SPG21: variants seen among roughly 807,000 people sequenced by gnomAD.
The protein encoded by SPG21 is SPG21 abhydrolase domain containing, maspardin, also known as maspardin.
Under a neutral mutation model 38.9 loss-of-function variants are expected in SPG21, and 26 were observed. The ratio of observed to expected loss-of-function variants is 0.67; its 90% CI spans 0.49 to 0.93. The LOEUF (loss-of-function observed/expected upper bound fraction) is 0.93. SPG21 is among the 40% of genes least tolerant of loss of function. The pLI is 0.00. For synonymous variants in SPG21, 136 were observed against 128.9 expected (o/e 1.05, Z -0.37); for missense variants, 333 against 376.5 (o/e 0.88, Z 0.96).
intron 1 of SPG21, among the ~76,000 whole-genome samples, chr15:64,985,316 C>T (rs2085969433): frequency 1.3e-5 from 2 of 152,154 alleles, no homozygotes; most frequent in African/African-American, 4.8e-5. Context: ...ACCACTGTGT[C>T]CCCAAAGCTT....
chr15:64,969,657 A>G (rs1225162470), intron 6 of SPG21, among the ~76,000 whole-genome samples: 2 of 149,354 alleles, frequency 1.3e-5, no homozygotes, highest in African/African-American at 2.5e-5. Context: ...GCCAATTCCT[A>G]CTGCTCAAAG....
At chr15:64,972,090 T>G (rs574898049) in intron 5 of SPG21, among the ~76,000 whole-genome samples, 1 of 152,206 alleles carries the variant, frequency 6.6e-6, no homozygotes, top group Non-Finnish European at 1.5e-5. Flanking sequence ...CGAAAATTAC[T>G]TAGATGAGGT....
At chr15:64,972,818 C>T (rs1025816519) in intron 5 of SPG21, among the ~76,000 whole-genome samples, 2 of 152,024 alleles carry the variant, frequency 1.3e-5, no homozygotes, top group African/African-American at 2.4e-5. Context: ...GGCGACAGAG[C>T]GAGACTCCAT....
intron 3 of SPG21, among the ~76,000 whole-genome samples, chr15:64,980,340 G>C (rs1289125333): frequency 6.6e-6 from 1 of 152,142 alleles, no homozygotes; most frequent in Admixed American, 6.6e-5. Context: ...GCCAAAAGAG[G>C]TTTGTTCCCT....
intron 3 of SPG21, 130 bp from the exon 4 acceptor site, chr15:64,976,685 T>C (rs1244926333): frequency 4.0e-5 from 27 of 675,936 alleles, no homozygotes; most frequent in African/African-American, 9.2e-5. Flanking sequence ...ATTCAAAATA[T>C]GTAAAAATAA....
chr15:64,985,225 T>C (rs537289005), intron 1 of SPG21, among the ~76,000 whole-genome samples: 3 of 152,332 alleles, frequency 2.0e-5, no homozygotes, highest in Non-Finnish European at 4.4e-5. Flanking sequence ...GTGAGCTTAG[T>C]GACTTCTGGT....
At chr15:64,974,258 G>A (rs2085731445) in intron 5 of SPG21, among the ~76,000 whole-genome samples, 1 of 152,098 alleles carries the variant, frequency 6.6e-6, no homozygotes, top group African/African-American at 2.4e-5. Context: ...CTTGAGCCCG[G>A]GAGTTAGAGA....
chr15:64,968,553 G>A (rs1228772315), intron 7 of SPG21, among the ~76,000 whole-genome samples: 1 of 152,088 alleles, frequency 6.6e-6, no homozygotes, highest in African/African-American at 2.4e-5. Flanking sequence ...AAGGGAACAG[G>A]AGTTATTGTT....
Position 64,963,710 on chromosome 15 carries a change from G to C in SPG21, c.837C>G (p.Thr279=), listed in dbSNP as rs1364568269. The change falls in exon 9 of 9, where the codon ACC becomes ACG. Residue 279 remains threonine (T), a synonymous_variant. Transcript: ENST00000204566. ...TTGATGGGTCAATGGCCGCGTATTT[G>C]GTTCCATGGAATTGCAGCAAATGTA... ...VQIHLLQFHG[T]KYAAIDPSMV... 1.9e-6 allele frequency: 3 copies of C among 1,614,044 alleles called. No individual in the cohort carries two copies. The East Asian group carries it at 6.7e-5, about 36-fold the overall frequency.
chr15:64,983,101 T>A (rs1183786499), intron 2 of SPG21: 2 of 267,754 alleles, frequency 7.5e-6, no homozygotes, highest in African/African-American at 4.6e-5. Flanking sequence ...CTACTAAAAA[T>A]ACAAAAATTA....
chr15:64,988,217 G>C (rs1299270509), intron 1 of SPG21, among the ~76,000 whole-genome samples: 1 of 152,048 alleles, frequency 6.6e-6, no homozygotes, highest in African/African-American at 2.4e-5. Flanking sequence ...GTGAGACTCT[G>C]TCTCAAAAAA....
At position 64,967,188 on chromosome 15, in the gene SPG21, A is replaced by G. The variant is rs187219517; in HGVS notation, c.670-1728T>C. On this transcript the variant is annotated intron_variant, in intron 7 of 8. Coordinates refer to ENST00000204566, the MANE Select transcript of SPG21 (RefSeq NM_016630.7). ...AAAAAGTGTGATTCTACTTCAAACG[A>G]TATGTCCAAAAGAATTAAAAGTAGG... Among the ~76,000 whole-genome samples, 570 of 152,256 alleles carry G rather than the reference A, an allele frequency of 3.7e-3. 7 individuals are homozygous for G. Among genetic ancestry groups the G allele is most frequent in the African/African-American group, 9.7e-3 (405 of 41,558 alleles).
At chr15:64,985,620 G>A (rs868419405) in intron 1 of SPG21, among the ~76,000 whole-genome samples, 1 of 152,210 alleles carries the variant, frequency 6.6e-6, no homozygotes, top group Non-Finnish European at 1.5e-5. Context: ...AGCAAGCCTT[G>A]ATCCTAGCAC....
intron 3 of SPG21, among the ~76,000 whole-genome samples, chr15:64,979,845 C>CAAAA (rs71136305): frequency 2.1e-4 from 19 of 89,444 alleles, no homozygotes; most frequent in African/African-American, 4.9e-4. Flanking sequence ...TGGAAGCATG[C>CAAAA]AAAAAAAAAA....
At chr15:64,969,076 A>G (rs1484616277) in intron 7 of SPG21, among the ~76,000 whole-genome samples, 179 bp downstream of exon 7, 16 of 152,298 alleles carry the variant, frequency 1.1e-4, no homozygotes. Flanking sequence ...CCTGCCAGAA[A>G]GAAATCCAAG....
At position 64,983,513 on chromosome 15, in the gene SPG21, A is replaced by G; in HGVS notation, c.57T>C (p.Leu19=). The change falls in exon 2 of 9, where the codon CTT becomes CTC. Residue 19 remains leucine (L), a synonymous_variant. Transcript: ENST00000204566. ...DYNWFRGTVP[L]KKIIVDDDDS... is the part of the protein sequence containing the mutation. The stretch of plus-strand genomic sequence containing the variant: ...ATAGTAAAACCATACATACCTTTTT[A>G]AGGGGAACTGTACCTCTAAACCAGT... 6.3e-7 allele frequency: 1 copy of G among 1,575,040 alleles called. No homozygotes were observed. Among genetic ancestry groups the G allele is most frequent in the Non-Finnish European group, 8.7e-7 (1 of 1,155,566 alleles).
chr15:64,977,250 A>G (rs2085796987), intron 3 of SPG21, among the ~76,000 whole-genome samples: 1 of 152,188 alleles, frequency 6.6e-6, no homozygotes, highest in African/African-American at 2.4e-5. Flanking sequence ...TTTTTAGTAC[A>G]GACACAGTTT....
intron 3 of SPG21, among the ~76,000 whole-genome samples, chr15:64,980,437 C>T (rs926845193): frequency 3.3e-5 from 5 of 151,954 alleles, no homozygotes; most frequent in African/African-American, 1.2e-4. Context: ...AGTATCTTTC[C>T]TCAATTAAAA....
chr15:64,971,426 C>T (rs971457691), intron 5 of SPG21, among the ~76,000 whole-genome samples: 4 of 152,110 alleles, frequency 2.6e-5, no homozygotes, highest in Middle Eastern at 3.4e-3. Flanking sequence ...GTAGTCCCAG[C>T]TACTCGGGAG....
Sources: gnomAD v4.1 joint callset for allele counts (sites outside exome capture counted in the v4.1 genomes callset) on GRCh38, gnomAD v4.1.1 for gene constraint, MANE v1.5 for transcripts, NCBI Gene and HGNC (gene_info 2026-07-23, HGNC 2026-07-21) for gene names.